Variants in AGBL1 observed in about 807,000 individuals in gnomAD.
AGBL1 encodes cytosolic carboxypeptidase 4.
In AGBL1, 130 loss-of-function variants were observed where a neutral mutation model predicts 118.9. The ratio of observed to expected loss-of-function variants is 1.09; its 90% CI spans 0.95 to 1.26. The LOEUF (loss-of-function observed/expected upper bound fraction) is 1.26. Among genes scored for constraint, AGBL1 ranks in the 50% most tolerant of loss-of-function variants. The probability of loss-of-function intolerance (pLI) is 0.00; values close to 1 mark genes in which losing one functional copy is unlikely to be tolerated. For synonymous variants in AGBL1, 555 were observed against 478.9 expected (o/e 1.16, Z -2.08); for missense variants, 1,584 against 1,298.1 (o/e 1.22, Z -3.38).
At chr15:86,943,622 C>A (rs2080781489) in intron 23 of AGBL1, among the ~76,000 whole-genome samples, 1 of 152,154 alleles carries the variant, frequency 6.6e-6, no homozygotes, top group Non-Finnish European at 1.5e-5. Context: ...CTCTACCCGG[C>A]CGGCACCATG....
intron 22 of AGBL1, among the ~76,000 whole-genome samples, chr15:86,868,075 A>T (rs893730480): frequency 1.3e-5 from 2 of 152,220 alleles, no homozygotes; most frequent in African/African-American, 4.8e-5. Context: ...GGAATTATCA[A>T]TGTGGCTAAT....
At chr15:86,227,622 G>A (rs189998036) in intron 6 of AGBL1, among the ~76,000 whole-genome samples, 3 of 152,372 alleles carry the variant, frequency 2.0e-5, no homozygotes, top group East Asian at 3.9e-4. Flanking sequence ...AATCACTGAT[G>A]TGTATGTATT....
At chr15:86,354,318 A>G (rs550367840) in intron 17 of AGBL1, among the ~76,000 whole-genome samples, 52 of 152,348 alleles carry the variant, frequency 3.4e-4, no homozygotes, top group African/African-American at 1.2e-3. Context: ...TCGATGGTTC[A>G]TGGTAGGATT....
rs1191813336 is a variant in AGBL1 at position 86,431,650 on chromosome 15, T to G, written c.2555+34104T>G. 2.0e-5 allele frequency among the ~76,000 whole-genome samples: 3 copies of G among 152,260 alleles called. No individual in the cohort carries two copies. In the East Asian group the frequency reaches 5.8e-4, roughly 29 times the overall value. ...CTTTTTGTTACTAATCCTGAGTTAT[T>G]ATGCAATGTCTGGTAAGCCAAAGGA... On this transcript the variant is annotated intron_variant, in intron 18 of 22. Coordinates refer to ENST00000614907, the MANE Select transcript of AGBL1 (RefSeq NM_001386094.1).
In AGBL1 at chr15:86,738,927, C is replaced by T. The variant is rs141171617; in HGVS notation, c.3158+64491C>T. 1.0e-3 allele frequency among the ~76,000 whole-genome samples: 152 copies of T among 151,664 alleles called. 2 individuals are homozygous for T. In the East Asian group the frequency reaches 0.026, roughly 26 times the overall value. On this transcript the variant is annotated intron_variant, in intron 22 of 22. Transcript: ENST00000614907. ...TCCAAGGCAGGAGGATCGTTGAGCC[C>T]AGAAGTTTGAGACCAGCCTAGGAAA... is the stretch of plus-strand genomic sequence containing the variant.
At chr15:86,339,687 G>A (rs981728063) in intron 17 of AGBL1, among the ~76,000 whole-genome samples, 3 of 151,452 alleles carry the variant, frequency 2.0e-5, no homozygotes, top group Admixed American at 6.6e-5. Flanking sequence ...TTTTTATTTC[G>A]GCCGGGCGCA....
chr15:86,894,730 C>G (rs2080098386), intron 22 of AGBL1, among the ~76,000 whole-genome samples: 1 of 152,134 alleles, frequency 6.6e-6, no homozygotes, highest in South Asian at 2.1e-4. Flanking sequence ...TTGCTTCTTA[C>G]CACTGCCAGT....
At chr15:86,442,039 A>G (rs1248118444) in intron 18 of AGBL1, among the ~76,000 whole-genome samples, 2 of 152,234 alleles carry the variant, frequency 1.3e-5, no homozygotes, top group Admixed American at 6.5e-5. Flanking sequence ...TACGAGCCCA[A>G]TACCCTCAGG....
At chr15:86,672,322 A>G (rs2085760760) in intron 21 of AGBL1, among the ~76,000 whole-genome samples, 1 of 152,222 alleles carries the variant, frequency 6.6e-6, no homozygotes, top group Non-Finnish European at 1.5e-5. Context: ...TTTACATTAT[A>G]AAATACTATC....
intron 17 of AGBL1, among the ~76,000 whole-genome samples, chr15:86,324,056 A>G (rs1356604308): frequency 6.6e-6 from 1 of 152,236 alleles, no homozygotes; most frequent in African/African-American, 2.4e-5. Context: ...AAGAAAAAAT[A>G]GAGTCATAAG....
intron 22 of AGBL1, among the ~76,000 whole-genome samples, chr15:86,687,713 C>A (rs140711539): frequency 1.6e-3 from 241 of 152,236 alleles, no homozygotes; most frequent in African/African-American, 5.6e-3. Context: ...ATTCTTAAAT[C>A]TGCACGTTTT....
At chr15:86,992,620 A>T (rs1008411068) in intron 24 of AGBL1, among the ~76,000 whole-genome samples, 1 of 151,952 alleles carries the variant, frequency 6.6e-6, no homozygotes, top group African/African-American at 2.4e-5. Flanking sequence ...ATCAGGGTGC[A>T]CCGCCATAAA....
At chr15:86,471,955 A>G (rs1177609885) in intron 18 of AGBL1, among the ~76,000 whole-genome samples, 1 of 152,180 alleles carries the variant, frequency 6.6e-6, no homozygotes, top group East Asian at 1.9e-4. Context: ...CATAAATCCA[A>G]TGACAAGTGT....
At chr15:86,891,422 G>T (rs917567490) in intron 22 of AGBL1, among the ~76,000 whole-genome samples, 1 of 151,992 alleles carries the variant, frequency 6.6e-6, no homozygotes, top group Non-Finnish European at 1.5e-5. Flanking sequence ...TGATTCATTA[G>T]ATCTGACATT....
chr15:86,193,495 C>T (rs184421914), intron 5 of AGBL1, among the ~76,000 whole-genome samples: 48 of 152,208 alleles, frequency 3.2e-4, no homozygotes, highest in Admixed American at 1.6e-3. Flanking sequence ...ATTTTGACCC[C>T]GCAGCCCACT....
intron 22 of AGBL1, among the ~76,000 whole-genome samples, chr15:86,779,695 C>CT (rs1165473219): frequency 6.6e-6 from 1 of 152,060 alleles, no homozygotes; most frequent in Admixed American, 6.5e-5. Context: ...TATCTCTTTT[C>CT]TTTTTCACTG....
At chr15:86,705,154 G>A (rs2086426857) in intron 22 of AGBL1, among the ~76,000 whole-genome samples, 1 of 152,122 alleles carries the variant, frequency 6.6e-6, no homozygotes, top group Non-Finnish European at 1.5e-5. Flanking sequence ...GGGGCAAGGG[G>A]AGGGAGAGCA....
intron 22 of AGBL1, among the ~76,000 whole-genome samples, chr15:86,766,057 C>A (rs1008827644): frequency 1.3e-5 from 2 of 151,914 alleles, no homozygotes; most frequent in Non-Finnish European, 2.9e-5. Context: ...ATGTGCCCTG[C>A]ATGTTTTTAA....
At chr15:86,432,911 C>T (rs2081953016) in intron 18 of AGBL1, among the ~76,000 whole-genome samples, 1 of 152,200 alleles carries the variant, frequency 6.6e-6, no homozygotes, top group South Asian at 2.1e-4. Context: ...TGGAGTGGCC[C>T]CTGTCCCCAT....
Sources: allele counts gnomAD v4.1 joint callset (sites outside exome capture counted in the v4.1 genomes callset), GRCh38; gene constraint gnomAD v4.1.1; transcripts MANE v1.5; gene names NCBI Gene and HGNC (gene_info 2026-07-23, HGNC 2026-07-21).